Variants in TGFBR3 observed in about 807,000 individuals in gnomAD.
TGFBR3 encodes transforming growth factor beta receptor 3, also known as transforming growth factor beta receptor type 3.
Under a neutral mutation model 87.9 loss-of-function variants are expected in TGFBR3, and 46 were observed. The ratio of observed to expected loss-of-function variants is 0.52; its 90% confidence interval spans 0.41 to 0.67. The LOEUF is 0.67. TGFBR3 is among the 30% of genes least tolerant of loss of function. TGFBR3 has a pLI of 0.00. For missense variants in TGFBR3, 866 were observed against 1,041.9 expected (o/e 0.83, Z 2.32); for synonymous variants, 381 against 391.6 (o/e 0.97, Z 0.32).
chr1:91,850,780 C>CAAA lies in TGFBR3; in HGVS notation c.61+10688_61+10690dup, dbSNP rs61025683. Among the ~76,000 whole-genome samples, 85 of 58,426 alleles carry CAAA rather than the reference C, an allele frequency of 1.5e-3. 4 individuals are homozygous for CAAA. Among genetic ancestry groups the CAAA allele is most frequent in the African/African-American group, 4.5e-3 (83 of 18,588 alleles). The allele number at this position is 58,426 out of a possible 152,430, so 38.3% of individuals were successfully genotyped here. A position where few individuals can be genotyped will look rare whatever the true frequency, so the allele number is the denominator to read the frequency against. On this transcript the variant is annotated intron_variant, in intron 2 of 16. Coordinates refer to ENST00000212355, the MANE Select transcript of TGFBR3 (RefSeq NM_003243.5). ...TGGGTGACAGAGCAAGACCCTGTCT[C>CAAA]AAAAAAAAAAAAAAAAAAAAAAAAA... is the stretch of plus-strand genomic sequence containing the variant.
chr1:91,895,617 G>A (rs548640442), intron 2 of TGFBR3, among the ~76,000 whole-genome samples: 20 of 152,042 alleles, frequency 1.3e-4, no homozygotes, highest in African/African-American at 2.2e-4. Flanking sequence ...CACCACACAC[G>A]GCCAGTCCAG....
At chr1:91,800,172 G>A (rs1248080258) in intron 2 of TGFBR3, among the ~76,000 whole-genome samples, 2 of 149,430 alleles carry the variant, frequency 1.3e-5, no homozygotes, top group African/African-American at 2.5e-5. Context: ...CAGGTGGATC[G>A]CTTGAGCCCA....
intron 14 of TGFBR3, among the ~76,000 whole-genome samples, chr1:91,701,260 A>C (rs1671610192): frequency 6.6e-6 from 1 of 151,928 alleles, no homozygotes; most frequent in South Asian, 2.1e-4. Flanking sequence ...TTCTGAGCAC[A>C]AACAATAACA....
At chr1:91,732,681 G>A (rs527263722) in intron 5 of TGFBR3, among the ~76,000 whole-genome samples, 25 of 152,290 alleles carry the variant, frequency 1.6e-4, no homozygotes, top group Admixed American at 5.9e-4. Flanking sequence ...CCACGGCATG[G>A]CCCGGTGACT....
chr1:91,830,402 G>T (rs1676813268), intron 2 of TGFBR3, among the ~76,000 whole-genome samples: 1 of 152,150 alleles, frequency 6.6e-6, no homozygotes, highest in African/African-American at 2.4e-5. Flanking sequence ...TTTCCAGGGG[G>T]AGCTCTGTCC....
chr1:91,718,115 G>T (rs1013330735), intron 10 of TGFBR3, among the ~76,000 whole-genome samples: 1 of 152,074 alleles, frequency 6.6e-6, no homozygotes, highest in African/African-American at 2.4e-5. Flanking sequence ...TGGTGTCTAG[G>T]AAAGATTAGT....
intron 2 of TGFBR3, among the ~76,000 whole-genome samples, chr1:91,821,474 A>G (rs1262275646): frequency 6.6e-6 from 1 of 152,132 alleles, no homozygotes; most frequent in African/African-American, 2.4e-5. Context: ...GCTCTACTTT[A>G]TCATAAAAAT....
intron 7 of TGFBR3, among the ~76,000 whole-genome samples, chr1:91,724,163 A>G (rs775660263): frequency 3.3e-5 from 5 of 152,220 alleles, no homozygotes; most frequent in Admixed American, 1.3e-4. Context: ...TAATAGATTC[A>G]GAATATTTTA....
At chr1:91,876,107 TG>T (rs1678797798) in intron 1 of TGFBR3, among the ~76,000 whole-genome samples, 1 of 150,702 alleles carries the variant, frequency 6.6e-6, no homozygotes, top group Non-Finnish European at 1.5e-5. Context: ...GGGGGTGTGG[TG>T]GGGGTGTGGT....
upstream of TGFBR3, among the ~76,000 whole-genome samples, chr1:91,888,625 C>T (rs1679383736): frequency 6.6e-6 from 1 of 152,084 alleles, no homozygotes; most frequent in South Asian, 2.1e-4. Flanking sequence ...TCGTTTGAAC[C>T]CAGGAGGCAG....
chr1:91,847,253 T>G (rs1010546346), intron 2 of TGFBR3, among the ~76,000 whole-genome samples: 8 of 152,080 alleles, frequency 5.3e-5, no homozygotes, highest in Non-Finnish European at 1.2e-4. Flanking sequence ...TTACAGAAAT[T>G]TTTCCCTTCT....
rs1418349382 is a variant in TGFBR3 at position 91,797,591 on chromosome 1, C to T, written c.62-120G>A. Reference sequence around the variant, plus strand: ...AGATGCCTTTCCAGGTAAACTGTTCCAAGACTAAGTGGCCAAAAAGCTAGC... The same window carrying T: ...AGATGCCTTTCCAGGTAAACTGTTCTAAGACTAAGTGGCCAAAAAGCTAGC... On this transcript the variant is annotated intron_variant, in intron 2 of 16. Transcript: ENST00000212355. 3.9e-5 allele frequency: 43 copies of T among 1,104,614 alleles called. No individual in the cohort carries two copies. In the Admixed American group the frequency reaches 7.7e-4, roughly 20 times the overall value. The allele number at this position is 1,104,614 out of a possible 1,614,324, so 68.4% of individuals were successfully genotyped here.
intron 2 of TGFBR3, among the ~76,000 whole-genome samples, chr1:91,846,517 T>C (rs367951023): frequency 6.6e-6 from 1 of 152,144 alleles, no homozygotes; most frequent in African/African-American, 2.4e-5. Flanking sequence ...TCCTCTATAA[T>C]ATGCCAGACC....
At chr1:91,776,613 G>C (rs1036816014) in intron 3 of TGFBR3, among the ~76,000 whole-genome samples, 6 of 152,110 alleles carry the variant, frequency 3.9e-5, no homozygotes, top group African/African-American at 1.4e-4. Flanking sequence ...TAATTCTCTG[G>C]AAAGAAGCCT....
At chr1:91,872,663 G>T (rs1023200110) in intron 1 of TGFBR3, among the ~76,000 whole-genome samples, 2 of 152,148 alleles carry the variant, frequency 1.3e-5, no homozygotes, top group African/African-American at 4.8e-5. Context: ...AGGAAATTCT[G>T]CCCTGTTTCC....
At chr1:91,730,962 G>A (rs1376878102) in intron 5 of TGFBR3, among the ~76,000 whole-genome samples, 3 of 152,204 alleles carry the variant, frequency 2.0e-5, no homozygotes, top group Non-Finnish European at 2.9e-5. Flanking sequence ...CTCCCACAAC[G>A]GCACATGCCA....
chr1:91,889,794 C>G (rs1571608427), upstream of TGFBR3, among the ~76,000 whole-genome samples: 1 of 149,370 alleles, frequency 6.7e-6, no homozygotes, highest in East Asian at 2.0e-4. Context: ...GATTCTCATG[C>G]CTCAGCCTCT....
chr1:91,875,674 G>A (rs912399950), intron 1 of TGFBR3, among the ~76,000 whole-genome samples: 6 of 151,642 alleles, frequency 4.0e-5, no homozygotes, highest in South Asian at 2.1e-4. Context: ...GATCACCTGA[G>A]GTCAGGAGTT....
At position 91,682,570 on chromosome 1, in the gene TGFBR3, G is replaced by A; in HGVS notation, c.*1169C>T. 2.2e-6 allele frequency: 1 copy of A among 453,666 alleles called. No individual in the cohort carries two copies. The highest frequency in any genetic ancestry group is 1.6e-5 in the South Asian group (1 of 64,428). The allele number at this position is 453,666 out of a possible 1,614,324, so 28.1% of individuals were successfully genotyped here. The stretch of plus-strand genomic sequence containing the variant: ...GAGAAGTAAGGCAATCCAAATGAGT[G>A]CCCTTTTCCAATCTCAGCACTGTCT... On this transcript the variant is annotated 3_prime_UTR_variant, in exon 17 of 17. Transcript: ENST00000212355.
Sources: allele counts gnomAD v4.1 joint callset (sites outside exome capture counted in the v4.1 genomes callset), GRCh38; gene constraint gnomAD v4.1.1; transcripts MANE v1.5; gene names NCBI Gene and HGNC (gene_info 2026-07-23, HGNC 2026-07-21).